Variants in PITPNM2 observed in about 807,000 individuals in gnomAD.
The protein encoded by PITPNM2 is membrane-associated phosphatidylinositol transfer protein 2.
Under a neutral mutation model 132.2 loss-of-function variants are expected in PITPNM2, and 35 were observed. The ratio of observed to expected loss-of-function variants is 0.26; its 90% CI spans 0.20 to 0.35. The LOEUF is 0.35. Among genes scored for constraint, PITPNM2 ranks in the 10% least tolerant of loss-of-function variants. The pLI is 1.00. For missense variants in PITPNM2, 1,332 were observed against 1,912.0 expected (o/e 0.70, Z 5.66); for synonymous variants, 738 against 799.2 (o/e 0.92, Z 1.29).
intron 2 of PITPNM2, among the ~76,000 whole-genome samples, chr12:123,039,111 G>C (rs2040373730): frequency 6.6e-6 from 1 of 151,934 alleles, no homozygotes; most frequent in South Asian, 2.1e-4. Flanking sequence ...CCATCGAGTG[G>C]CCTCCCACCA....
intron 1 of PITPNM2, among the ~76,000 whole-genome samples, chr12:123,146,131 G>A (rs1370038478): frequency 6.6e-6 from 1 of 151,978 alleles, no homozygotes; most frequent in East Asian, 1.9e-4. Context: ...ATAGAGGGGG[G>A]TAACACACAC....
chr12:123,098,470 T>C (rs73413226), intron 2 of PITPNM2, among the ~76,000 whole-genome samples: 6,500 of 151,980 alleles, frequency 0.043, 461 homozygotes, highest in African/African-American at 0.15. Flanking sequence ...TTTGGGAAAC[T>C]GTGGGAGGAT....
At chr12:123,127,899 G>A (rs1168260599) in intron 1 of PITPNM2, among the ~76,000 whole-genome samples, 7 of 151,818 alleles carry the variant, frequency 4.6e-5, no homozygotes, top group East Asian at 3.9e-4. Context: ...ATGAGCCACC[G>A]CGCCCAGCCT....
intron 1 of PITPNM2, among the ~76,000 whole-genome samples, chr12:123,126,008 T>A (rs959302520): frequency 6.7e-6 from 1 of 148,926 alleles, no homozygotes; most frequent in African/African-American, 2.5e-5. Context: ...TAGCTGGGAC[T>A]ACAGGCACCC....
At chr12:123,024,260 A>AT (rs1002826887) in intron 3 of PITPNM2, among the ~76,000 whole-genome samples, 1 of 152,218 alleles carries the variant, frequency 6.6e-6, no homozygotes, top group African/African-American at 2.4e-5. Context: ...GGCGGTTAAA[A>AT]AGACACACAG....
At chr12:123,053,608 C>G (rs188150603) in intron 2 of PITPNM2, among the ~76,000 whole-genome samples, 2 of 140,788 alleles carry the variant, frequency 1.4e-5, no homozygotes, top group African/African-American at 5.4e-5. Context: ...GCCCTTGTTG[C>G]CCAGCCTGGA....
In PITPNM2 at chr12:123,009,561, G is replaced by T. The variant is rs2039092662; in HGVS notation, c.643+289C>A. On this transcript the variant is annotated intron_variant, in intron 6 of 25. Coordinates refer to ENST00000320201, the MANE Select transcript of PITPNM2 (RefSeq NM_020845.3). This position sits in a 1 kb window ranked among gnomAD's most constrained non-coding sequence, Gnocchi z 4.8. ...GAGTGTGGGCTACTCTTTATCAAAT[G>T]CGAACTAGGTCAGGAATGTCTGGGG... 6.6e-6 allele frequency among the ~76,000 whole-genome samples: 1 copy of T among 152,214 alleles called. No individual in the cohort carries two copies. Among genetic ancestry groups the T allele is most frequent in the South Asian group, 2.1e-4 (1 of 4,834 alleles).
At chr12:123,100,152 T>C (rs767347754) in intron 2 of PITPNM2, among the ~76,000 whole-genome samples, 1 of 152,246 alleles carries the variant, frequency 6.6e-6, no homozygotes, top group Non-Finnish European at 1.5e-5. Flanking sequence ...TTCTGGAACC[T>C]GCATTAACCA....
intron 3 of PITPNM2, among the ~76,000 whole-genome samples, chr12:123,029,821 A>ATG (rs1369425919): frequency 1.6e-5 from 2 of 124,512 alleles, no homozygotes; most frequent in East Asian, 2.0e-4. Context: ...GGACACACAT[A>ATG]TGTGTCTGTG....
intron 2 of PITPNM2, among the ~76,000 whole-genome samples, chr12:123,061,995 G>T (rs1287217698): frequency 6.6e-6 from 1 of 152,120 alleles, no homozygotes; most frequent in Non-Finnish European, 1.5e-5. Flanking sequence ...GAGGTAGGCG[G>T]TAAGTTCCTA....
chr12:123,020,409 C>T (rs776184729), intron 3 of PITPNM2, among the ~76,000 whole-genome samples: 1 of 152,144 alleles, frequency 6.6e-6, no homozygotes, highest in Non-Finnish European at 1.5e-5. Context: ...GAGTGAGCCA[C>T]TGTGCCCGGC....
intron 3 of PITPNM2, among the ~76,000 whole-genome samples, chr12:123,026,396 C>A (rs190736885): frequency 1.3e-5 from 2 of 152,252 alleles, no homozygotes; most frequent in African/African-American, 4.8e-5. Context: ...TGCAGCCCTG[C>A]GGACACCTGC....
In PITPNM2 at chr12:123,077,710, C is replaced by T; in HGVS notation, c.-96+32675G>A. Among the ~76,000 whole-genome samples the T allele has an allele frequency of 6.6e-6, 1 of 152,202 alleles. No individual in the cohort carries two copies. The highest frequency in any genetic ancestry group is 1.9e-4 in the East Asian group (1 of 5,194). The stretch of plus-strand genomic sequence containing the variant: ...CCCAGCTCTTCGGAGAGAAAGCAAG[C>T]AGCCCGCGTGACCAGACAGAGCCTT... On this transcript the variant is annotated intron_variant, in intron 2 of 25. Coordinates refer to ENST00000320201, the MANE Select transcript of PITPNM2 (RefSeq NM_020845.3). The surrounding 1 kb of genome is among the most constrained non-coding windows in gnomAD (Gnocchi z 4.8).
chr12:123,121,111 T>G (rs755523208), intron 1 of PITPNM2, among the ~76,000 whole-genome samples: 1 of 152,240 alleles, frequency 6.6e-6, no homozygotes, highest in Admixed American at 6.5e-5. Flanking sequence ...GAGGCCTCTC[T>G]GCTGACTCCC....
At chr12:122,999,111 C>CAA (rs5801497) in intron 10 of PITPNM2, among the ~76,000 whole-genome samples, 26 of 89,728 alleles carry the variant, frequency 2.9e-4, no homozygotes, top group African/African-American at 5.0e-4. Context: ...ACCCTGTCTC[C>CAA]AAAAAAAAAA....
chr12:123,149,612 C>G (rs778855861), intron 1 of PITPNM2, among the ~76,000 whole-genome samples: 3 of 152,060 alleles, frequency 2.0e-5, no homozygotes, highest in African/African-American at 7.2e-5. Context: ...GGGAGCTCAC[C>G]GTCCAGCAGG....
In PITPNM2 at chr12:123,062,957, G is replaced by A. The variant is rs148382970; in HGVS notation, c.-95-28272C>T. Among the ~76,000 whole-genome samples the A allele has an allele frequency of 7.9e-5, 12 of 152,352 alleles. No homozygotes were observed. In the South Asian group the frequency reaches 1.2e-3, roughly 16 times the overall value. Reference sequence around the variant, plus strand: ...ACTCACCAGGCCCTGTGACCTTGGGGAACACAGTCCAAAGAGATGAGTCAC... The same window carrying A: ...ACTCACCAGGCCCTGTGACCTTGGGAAACACAGTCCAAAGAGATGAGTCAC... On this transcript the variant is annotated intron_variant, in intron 2 of 25. Coordinates refer to ENST00000320201, the MANE Select transcript of PITPNM2 (RefSeq NM_020845.3).
At chr12:123,043,854 G>C (rs991022693) in intron 2 of PITPNM2, among the ~76,000 whole-genome samples, 4 of 152,222 alleles carry the variant, frequency 2.6e-5, no homozygotes, top group African/African-American at 9.7e-5. Context: ...GTGGCTATCA[G>C]CATGGCAACC....
chr12:123,095,904 A>C lies in PITPNM2; in HGVS notation c.-96+14481T>G, dbSNP rs1246895022. Among the ~76,000 whole-genome samples the C allele has an allele frequency of 6.6e-6, 1 of 151,968 alleles. No homozygotes were observed. The highest frequency in any genetic ancestry group is 1.5e-5 in the Non-Finnish European group (1 of 67,980). ...CACGCCCCAGTGGCAGACCCCCCCAACCCCACTTCCACAAGGCTTGGCACT... is the reference window on the plus strand; with the variant it reads ...CACGCCCCAGTGGCAGACCCCCCCACCCCCACTTCCACAAGGCTTGGCACT... On this transcript the variant is annotated intron_variant, in intron 2 of 25. Transcript: ENST00000320201. The surrounding 1 kb of genome is among the most constrained non-coding windows in gnomAD (Gnocchi z 5.0).
Sources: allele counts gnomAD v4.1 joint callset (sites outside exome capture counted in the v4.1 genomes callset), GRCh38; gene constraint gnomAD v4.1.1; non-coding constraint Gnocchi (gnomAD v3.1); transcripts MANE v1.5; gene names NCBI Gene and HGNC (gene_info 2026-07-23, HGNC 2026-07-21).